The following XG variants were observed in gnomAD, a reference collection of about 807,000 sequenced individuals.
XG encodes Xg glycoprotein (Xg blood group), also known as glycoprotein Xg.
XG carries 24 observed loss-of-function variants against 25.7 expected under a neutral mutation model. The ratio of observed to expected loss-of-function variants is 0.93; its 90% CI spans 0.68 to 1.31. The LOEUF (loss-of-function observed/expected upper bound fraction) is 1.31. XG is among the 40% of genes most tolerant of loss of function. XG has a pLI of 0.00. For synonymous variants in XG, 77 were observed against 69.2 expected (o/e 1.11, Z -0.56); for missense variants, 181 against 187.6 (o/e 0.96, Z 0.21).
rs371842966 is a variant in XG, at chrX:2,752,228, C to A, written c.-47C>A. On this transcript the variant is annotated 5_prime_UTR_variant, in exon 1 of 11. Coordinates refer to ENST00000644266, the MANE Select transcript of XG (RefSeq NM_001141919.2). ...GGTGGAGAGGCCGGGTCTCACAATC[C>A]GCTTGGCTGGGGAGTCCACTGAGGT... is the stretch of plus-strand genomic sequence containing the variant. 6.2e-7 allele frequency: 1 copy of A among 1,612,864 alleles called. No individual in the cohort carries two copies. The highest frequency in any genetic ancestry group is 1.1e-5 in the South Asian group (1 of 90,934).
At chrX:2,774,063 T>A (rs1348246686) in intron 2 of XG, among the ~76,000 whole-genome samples, 1 of 152,186 alleles carries the variant, frequency 6.6e-6, no homozygotes, top group Non-Finnish European at 1.5e-5. Flanking sequence ...TAGGCTGTTA[T>A]GTAAACCATG....
intron 7 of XG, among the ~76,000 whole-genome samples, chrX:2,800,429 C>T (rs1237096962): frequency 2.7e-5 from 3 of 112,054 alleles, no homozygotes; most frequent in South Asian, 3.7e-4. Flanking sequence ...GGCCCTGGAG[C>T]GGCAATTTCA....
At chrX:2,754,178 A>G (rs2050388192) in intron 1 of XG, among the ~76,000 whole-genome samples, 2 of 152,232 alleles carry the variant, frequency 1.3e-5, no homozygotes, top group Middle Eastern at 3.4e-3. Context: ...AGCTCACTGC[A>G]GTCTTCACCC....
intron 6 of XG, among the ~76,000 whole-genome samples, chrX:2,795,487 G>T (rs1435563205): frequency 1.0e-5 from 1 of 98,926 alleles, no homozygotes; most frequent in Non-Finnish European, 1.9e-5. Flanking sequence ...ATATACATAT[G>T]TGTATATCTT....
At chrX:2,782,518 G>C (rs1292089217) in intron 4 of XG, among the ~76,000 whole-genome samples, 1 of 111,575 alleles carries the variant, frequency 9.0e-6, no homozygotes, top group African/African-American at 3.3e-5. Flanking sequence ...GATCAGGGTT[G>C]TTAAGGATAA....
chrX:2,799,616 C>T (rs1019646200), intron 7 of XG, among the ~76,000 whole-genome samples: 1 of 110,734 alleles, frequency 9.0e-6, no homozygotes, highest in Non-Finnish European at 1.9e-5. Flanking sequence ...GTCTGCTGGG[C>T]GGGGGTGACT....
chrX:2,766,286 A>G (rs761495844), intron 1 of XG, among the ~76,000 whole-genome samples: 53 of 151,886 alleles, frequency 3.5e-4, no homozygotes, highest in Non-Finnish European at 5.6e-4. Flanking sequence ...GATTACAGGC[A>G]CGCACCACCA....
At chrX:2,776,054 C>T (rs1287907592) in intron 3 of XG, among the ~76,000 whole-genome samples, 1 of 151,932 alleles carries the variant, frequency 6.6e-6, no homozygotes. Context: ...CTTTGGGAGG[C>T]CAAGGCGGGT....
At chrX:2,775,955 CAAAA>C (rs1173774743) in intron 3 of XG, among the ~76,000 whole-genome samples, 2 of 122,166 alleles carry the variant, frequency 1.6e-5, no homozygotes, top group African/African-American at 6.4e-5. Flanking sequence ...GATTCCGTCT[CAAAA>C]AAAAAAAAAA....
intron 7 of XG, among the ~76,000 whole-genome samples, chrX:2,801,943 G>A (rs906005572): frequency 1.9e-4 from 21 of 110,743 alleles, no homozygotes; most frequent in Non-Finnish European, 2.7e-4. Flanking sequence ...TCCTGACCTC[G>A]TGATCCGCCC....
Position 2,774,699 on chromosome X carries a change from T to G in XG, c.104-17T>G, listed in dbSNP as rs1351459343. 3 of 1,613,818 alleles carry G rather than the reference T, an allele frequency of 1.9e-6. No homozygotes were observed. The highest frequency in any genetic ancestry group is 2.5e-6 in the Non-Finnish European group (3 of 1,179,852). ...TCTTCAATGCATATTGCATTTATTT[T>G]CTCTCTTTGTTCACAGAACCCACCA... On this transcript the variant is annotated splice_polypyrimidine_tract_variant and intron_variant, in intron 2 of 10. Transcript: ENST00000644266.
At chrX:2,779,937 G>A (rs1235721492) in intron 3 of XG, among the ~76,000 whole-genome samples, 2 of 152,034 alleles carry the variant, frequency 1.3e-5, no homozygotes, top group Non-Finnish European at 2.9e-5. Flanking sequence ...ATGAGCCACC[G>A]TGTCCAGCCT....
At position 2,774,635 on chromosome X, in the gene XG, A is replaced by G. The variant is rs374104052; in HGVS notation, c.104-81A>G. On this transcript the variant is annotated intron_variant, in intron 2 of 10. Transcript: ENST00000644266. The stretch of plus-strand genomic sequence containing the variant: ...CTTTGTCACTCCCTTTTCACCTTTC[A>G]TCAGGGCGTTCATGGCCTTTCTTCA... 58 of 1,500,414 alleles carry G rather than the reference A, an allele frequency of 3.9e-5. No individual in the cohort carries two copies. The African/African-American group carries it at 4.8e-4, about 12-fold the overall frequency. 92.9% of individuals were successfully genotyped at this position (1,500,414 alleles called of 1,614,324 possible).
In XG at chrX:2,752,208, A is replaced by C; in HGVS notation, c.-67A>C. 1 of 1,608,238 alleles carries C rather than the reference A, an allele frequency of 6.2e-7. No homozygotes were observed. Among genetic ancestry groups the C allele is most frequent in the South Asian group, 1.1e-5 (1 of 90,426 alleles). On this transcript the variant is annotated 5_prime_UTR_variant, in exon 1 of 11. Coordinates refer to ENST00000644266, the MANE Select transcript of XG (RefSeq NM_001141919.2). ...CCAGAAGTCAACAACAGGAGGGTGG[A>C]GAGGCCGGGTCTCACAATCCGCTTG... is the stretch of plus-strand genomic sequence containing the variant.
intron 2 of XG, among the ~76,000 whole-genome samples, chrX:2,773,092 G>A (rs2050859831): frequency 6.7e-6 from 1 of 149,980 alleles, no homozygotes; most frequent in Non-Finnish European, 1.5e-5. Flanking sequence ...GAGGGTGGGA[G>A]GAGGAAGGAA....
rs370718003 is a variant in XG at position 2,794,612 on chromosome X, C to A, written c.322+9C>A. The A allele has an allele frequency of 6.6e-6, 8 of 1,207,978 alleles. No individual in the cohort carries two copies. In the Admixed American group the frequency reaches 1.5e-4, roughly 23 times the overall value. On this transcript the variant is annotated intron_variant, in intron 6 of 10. Transcript: ENST00000644266. The stretch of plus-strand genomic sequence containing the variant: ...GCCACGGCCGCCTGCAGGTAGGTGC[C>A]GAGCCTCCCCAGATGCGACACATTG...
At chrX:2,801,699 CTTTATTT>C (rs752923639) in intron 7 of XG, among the ~76,000 whole-genome samples, 3 of 109,655 alleles carry the variant, frequency 2.7e-5, no homozygotes, top group South Asian at 3.8e-4. Context: ...TGCAGCTCAA[CTTTATTT>C]TTTATTTTTT....
At chrX:2,808,122 C>T (rs1464840965) in intron 8 of XG, 63 bp from the exon 9 acceptor site, 14 of 1,164,344 alleles carry the variant, frequency 1.2e-5, no homozygotes, top group Admixed American at 2.3e-5. Context: ...CAACAGTGCC[C>T]GGCAATATAA....
chrX:2,807,374 A>T (rs1374979250), intron 8 of XG, among the ~76,000 whole-genome samples: 1 of 113,102 alleles, frequency 8.8e-6, no homozygotes, highest in Non-Finnish European at 1.9e-5. Context: ...CTGCACGAAT[A>T]TATCATGTGC....
Sources: allele counts gnomAD v4.1 joint callset (sites outside exome capture counted in the v4.1 genomes callset), GRCh38; gene constraint gnomAD v4.1.1; transcripts MANE v1.5; gene names NCBI Gene and HGNC (gene_info 2026-07-23, HGNC 2026-07-21).